Variants in AGO3 observed in about 807,000 individuals in gnomAD.
AGO3 encodes argonaute RISC catalytic component 3.
Under a neutral mutation model 105.5 loss-of-function variants are expected in AGO3, and 16 were observed. The ratio of observed to expected loss-of-function variants is 0.15; its 90% confidence interval spans 0.10 to 0.23. The LOEUF is 0.23. AGO3 is among the 10% of genes least tolerant of loss of function. AGO3 has a pLI of 1.00. For synonymous variants in AGO3, 340 were observed against 367.3 expected, an observed-to-expected ratio of 0.93 and a Z score of 0.85; for missense variants, 534 against 1,088.0, an observed-to-expected ratio of 0.49 and a Z score of 7.16.
intron 17 of AGO3, among the ~76,000 whole-genome samples, chr1:36,045,513 T>C (rs981383358): frequency 6.6e-6 from 1 of 150,752 alleles, no homozygotes; most frequent in East Asian, 2.0e-4. Flanking sequence ...TGAGCCACCA[T>C]GTCCGACCTT....
intron 2 of AGO3, among the ~76,000 whole-genome samples, chr1:35,962,884 G>A (rs1013151033): frequency 1.3e-5 from 2 of 152,152 alleles, no homozygotes; most frequent in South Asian, 2.1e-4. Flanking sequence ...AAGTCATAAG[G>A]TGAAATTTAA....
rs1015479448 is a variant in AGO3, at chr1:36,005,271, ATGAAGCATTTAAGTT to A, written c.793+799_793+813del. 8.5e-4 allele frequency among the ~76,000 whole-genome samples: 130 copies of A among 152,264 alleles called. 1 individual carries two copies. The highest frequency in any genetic ancestry group is 3.1e-3 in the African/African-American group (128 of 41,562). On this transcript the variant is annotated intron_variant, in intron 6 of 18. Coordinates refer to ENST00000373191, the MANE Select transcript of AGO3 (RefSeq NM_024852.4). ...AGATAATTTTCAGCTTGTGGTTTGA[ATGAAGCATTTAAGTT>A]TGTTCACTGAACATCTTTCAGTTCC...
intron 5 of AGO3, among the ~76,000 whole-genome samples, chr1:35,990,988 G>A (rs1647584556): frequency 6.6e-6 from 1 of 152,110 alleles, no homozygotes; most frequent in Non-Finnish European, 1.5e-5. Flanking sequence ...GCTTACCCAG[G>A]CGGGCTATCT....
rs939274611 is a variant in AGO3, at chr1:36,036,320, T to G, written c.1842+53T>G. 28 of 1,518,672 alleles carry G rather than the reference T, an allele frequency of 1.8e-5. No individual in the cohort carries two copies. In the African/African-American group the frequency reaches 3.7e-4, roughly 20 times the overall value. 94.1% of individuals were successfully genotyped at this position (1,518,672 alleles called of 1,614,324 possible). On this transcript the variant is annotated intron_variant, in intron 14 of 18. Coordinates refer to ENST00000373191, the MANE Select transcript of AGO3 (RefSeq NM_024852.4). ...TAAGGTTGACAGACCAGTATCAATT[T>G]TGCAGTTTCAACTTTTTGAATTTTA...
intron 5 of AGO3, chr1:35,982,790 G>GAAA: frequency 6.0e-6 from 3 of 500,486 alleles, no homozygotes; most frequent in Non-Finnish European, 1.1e-5. Flanking sequence ...ACCATGTCCA[G>GAAA]AAAAAAAAAA....
chr1:36,029,884 G>T (rs1005957398), intron 12 of AGO3, among the ~76,000 whole-genome samples: 3 of 150,564 alleles, frequency 2.0e-5, no homozygotes, highest in African/African-American at 7.3e-5. Context: ...GTAGAGACAG[G>T]GTTTCACCAT....
rs1571399747 is a variant in AGO3 at position 35,934,366 on chromosome 1, A to G, written c.19+2921A>G. 2.6e-5 allele frequency among the ~76,000 whole-genome samples: 4 copies of G among 152,360 alleles called. No homozygotes were observed. In the Middle Eastern group the frequency reaches 0.01, roughly 389 times the overall value. ...TTGATGTTTGGTGGAAGTTTTATACAGTCTTGCAAAAGTGAATAGACTGTT... is the reference window on the plus strand; with the variant it reads ...TTGATGTTTGGTGGAAGTTTTATACGGTCTTGCAAAAGTGAATAGACTGTT... On this transcript the variant is annotated intron_variant, in intron 1 of 18. Coordinates refer to ENST00000373191, the MANE Select transcript of AGO3 (RefSeq NM_024852.4).
In AGO3 at chr1:36,062,256, G is replaced by C. The variant is rs1166083854; in HGVS notation, c.*6511G>C. 1 of 148,726 alleles carries C rather than the reference G, an allele frequency of 6.7e-6. No individual in the cohort carries two copies. Among genetic ancestry groups the C allele is most frequent in the African/African-American group, 2.5e-5 (1 of 40,166 alleles). 9.2% of individuals were successfully genotyped at this position (148,726 alleles called of 1,614,324 possible). ...CAGCTTACTGCAAACTCCGCCTCCC[G>C]GGTTCAAGTGATTCTCGTGCCTCAG... is the stretch of plus-strand genomic sequence containing the variant. On this transcript the variant is annotated 3_prime_UTR_variant, in exon 19 of 19. Coordinates refer to ENST00000373191, the MANE Select transcript of AGO3 (RefSeq NM_024852.4).
chr1:35,944,185 A>G (rs761621665), intron 1 of AGO3, among the ~76,000 whole-genome samples: 23 of 152,042 alleles, frequency 1.5e-4, no homozygotes, highest in Non-Finnish European at 2.9e-4. Context: ...AAGTGAGTGT[A>G]CCATTTTATA....
At chr1:36,030,556 T>A (rs1374555979) in intron 12 of AGO3, among the ~76,000 whole-genome samples, 4 of 150,464 alleles carry the variant, frequency 2.7e-5, no homozygotes. Flanking sequence ...AAGGGAAAAA[T>A]TTTGTGCTGC....
Position 36,072,077 on chromosome 1 carries a change from C to G in AGO3, c.*16332C>G, listed in dbSNP as rs572680130. ...TATTTAAAATTTGGTAATATATTTT[C>G]TTTTTCAGTTAAACTATCTTCCCCA... On this transcript the variant is annotated 3_prime_UTR_variant, in exon 19 of 19. Coordinates refer to ENST00000373191, the MANE Select transcript of AGO3 (RefSeq NM_024852.4). 9.2e-5 allele frequency: 14 copies of G among 152,212 alleles called. No homozygotes were observed. Among genetic ancestry groups the G allele is most frequent in the Admixed American group, 2.6e-4 (4 of 15,274 alleles). 9.4% of individuals were successfully genotyped at this position (152,212 alleles called of 1,614,324 possible). A position where few individuals can be genotyped will look rare whatever the true frequency, so the allele number is the denominator to read the frequency against.
In AGO3 at chr1:36,058,045, A is replaced by G. The variant is rs1333534405; in HGVS notation, c.*2300A>G. On this transcript the variant is annotated 3_prime_UTR_variant, in exon 19 of 19. Coordinates refer to ENST00000373191, the MANE Select transcript of AGO3 (RefSeq NM_024852.4). The stretch of plus-strand genomic sequence containing the variant: ...TGAGTCCAACTTGAATATTAGAAAT[A>G]AAGTTGAACTTTTATATAATTGTGA... 1.3e-5 allele frequency: 2 copies of G among 152,230 alleles called. No individual in the cohort carries two copies. Among genetic ancestry groups the G allele is most frequent in the East Asian group, 3.8e-4 (2 of 5,208 alleles). 9.4% of individuals were successfully genotyped at this position (152,230 alleles called of 1,614,324 possible). A position where few individuals can be genotyped will look rare whatever the true frequency, so the allele number is the denominator to read the frequency against.
chr1:35,987,292 C>T (rs1371157229), intron 5 of AGO3, among the ~76,000 whole-genome samples: 6 of 148,634 alleles, frequency 4.0e-5, no homozygotes, highest in East Asian at 2.0e-4. Context: ...CATGCCACTG[C>T]GCTCCAGCCT....
Position 36,040,039 on chromosome 1 carries a change from A to G in AGO3, c.2037+55A>G, listed in dbSNP as rs1412523749. The G allele has an allele frequency of 4.6e-6, 7 of 1,514,662 alleles. No individual in the cohort carries two copies. The African/African-American group carries it at 6.9e-5, about 15-fold the overall frequency. The allele number at this position is 1,514,662 out of a possible 1,614,324, so 93.8% of individuals were successfully genotyped here. A position where few individuals can be genotyped will look rare whatever the true frequency, so the allele number is the denominator to read the frequency against. On this transcript the variant is annotated intron_variant, in intron 15 of 18. Transcript: ENST00000373191. ...GGTGAAATCAGATATTGTGTTTATA[A>G]TATGGTGTCTAGTTCTAGAGTTAAA... is the stretch of plus-strand genomic sequence containing the variant.
rs182098966 is a variant in AGO3 at position 36,005,105 on chromosome 1, A to G, written c.793+630A>G. On this transcript the variant is annotated intron_variant, in intron 6 of 18. Coordinates refer to ENST00000373191, the MANE Select transcript of AGO3 (RefSeq NM_024852.4). ...AAATAAAAATAAAAATAATTTTAAT[A>G]GTGTTCTGAAATCTGTATTTTATAT... Among the ~76,000 whole-genome samples, 32 of 152,268 alleles carry G rather than the reference A, an allele frequency of 2.1e-4. No individual in the cohort carries two copies. In the East Asian group the frequency reaches 6.2e-3, roughly 29 times the overall value.
intron 2 of AGO3, among the ~76,000 whole-genome samples, chr1:35,956,352 A>T (rs996610686): frequency 2.0e-5 from 3 of 152,212 alleles, no homozygotes; most frequent in African/African-American, 7.2e-5. Flanking sequence ...GTTGAATTGC[A>T]TAAGAAACAT....
At chr1:35,981,456 A>C (rs1258335696) in intron 5 of AGO3, among the ~76,000 whole-genome samples, 1 of 152,106 alleles carries the variant, frequency 6.6e-6, no homozygotes, top group East Asian at 1.9e-4. Context: ...TCAGTAACTT[A>C]AGGGGTTTAA....
At position 36,008,575 on chromosome 1, in the gene AGO3, C is replaced by G; in HGVS notation, c.794-115C>G. The G allele has an allele frequency of 3.4e-6, 3 of 884,596 alleles. No homozygotes were observed. In the South Asian group the frequency reaches 5.2e-5, roughly 15 times the overall value. The allele number at this position is 884,596 out of a possible 1,614,324, so 54.8% of individuals were successfully genotyped here. A position where few individuals can be genotyped will look rare whatever the true frequency, so the allele number is the denominator to read the frequency against. The stretch of plus-strand genomic sequence containing the variant: ...GGTGTTTATATCATCTTGCCTGTAT[C>G]ACAGAATTTTTTGTCTGTTCAGAAT... On this transcript the variant is annotated intron_variant, in intron 6 of 18. Coordinates refer to ENST00000373191, the MANE Select transcript of AGO3 (RefSeq NM_024852.4). The surrounding 1 kb of genome is among the most constrained non-coding windows in gnomAD (Gnocchi z 5.1).
rs751935973 is a variant in AGO3 at position 36,070,556 on chromosome 1, A to T, written c.*14811A>T. On this transcript the variant is annotated 3_prime_UTR_variant, in exon 19 of 19. Coordinates refer to ENST00000373191, the MANE Select transcript of AGO3 (RefSeq NM_024852.4). ...AACAGACAAGATTTTTTTTAAAAAAAGAAAAAAGGATGCATTTTAGGTACA... is the reference window on the plus strand; with the variant it reads ...AACAGACAAGATTTTTTTTAAAAAATGAAAAAAGGATGCATTTTAGGTACA... 6.6e-6 allele frequency: 1 copy of T among 152,350 alleles called. No homozygotes were observed. Among genetic ancestry groups the T allele is most frequent in the East Asian group, 1.9e-4 (1 of 5,186 alleles). The allele number at this position is 152,350 out of a possible 1,614,324, so 9.4% of individuals were successfully genotyped here.
Sources: allele counts gnomAD v4.1 joint callset (sites outside exome capture counted in the v4.1 genomes callset), GRCh38; gene constraint gnomAD v4.1.1; non-coding constraint Gnocchi (gnomAD v3.1); transcripts MANE v1.5; gene names NCBI Gene and HGNC (gene_info 2026-07-23, HGNC 2026-07-21).